The following LRP1B variants were observed in gnomAD, a reference collection of about 807,000 sequenced individuals.
LRP1B encodes the protein low-density lipoprotein receptor-related protein 1B.
Under a neutral mutation model 556.6 loss-of-function variants are expected in LRP1B, and 217 were observed. The observed-to-expected ratio is 0.39, with a 90% CI of 0.35 to 0.44. The LOEUF is 0.44. LRP1B is among the 20% of genes least tolerant of loss of function. LRP1B has a pLI of 1.00. For synonymous variants in LRP1B, 2,047 were observed against 1,865.8 expected, an observed-to-expected ratio of 1.10 and a Z score of -2.50; for missense variants, 5,053 against 5,620.8, an observed-to-expected ratio of 0.90 and a Z score of 3.23.
chr2:141,094,084 GAAT>G (rs1250616634), intron 7 of LRP1B, among the ~76,000 whole-genome samples: 1 of 152,034 alleles, frequency 6.6e-6, no homozygotes, highest in African/African-American at 2.4e-5. Flanking sequence ...CAGATAGTAA[GAAT>G]TGAACTTAAC....
At chr2:141,388,598 T>A (rs1037126132) in intron 3 of LRP1B, among the ~76,000 whole-genome samples, 19 of 152,098 alleles carry the variant, frequency 1.2e-4, no homozygotes, top group Admixed American at 8.5e-4. Context: ...AAGATCAGGA[T>A]AAAACAACAA....
At chr2:142,015,249 C>A (rs1703082153) in intron 1 of LRP1B, among the ~76,000 whole-genome samples, 1 of 152,044 alleles carries the variant, frequency 6.6e-6, no homozygotes, top group African/African-American at 2.4e-5. Flanking sequence ...CTTTGACAAA[C>A]CTGACAAAAA....
chr2:141,002,487 C>A (rs1697454602), intron 15 of LRP1B, among the ~76,000 whole-genome samples: 1 of 152,046 alleles, frequency 6.6e-6, no homozygotes, highest in Non-Finnish European at 1.5e-5. Flanking sequence ...TGGATACTCA[C>A]ATCCTTTATA....
chr2:141,490,382 T>TGTGTGC (rs1553520857), intron 2 of LRP1B, among the ~76,000 whole-genome samples: 20 of 150,072 alleles, frequency 1.3e-4, no homozygotes, highest in African/African-American at 1.7e-4. Context: ...TGTGTGTGTG[T>TGTGTGC]GTGTGTGTGT....
chr2:141,896,860 A>G (rs1699467892), intron 1 of LRP1B, among the ~76,000 whole-genome samples: 1 of 152,184 alleles, frequency 6.6e-6, no homozygotes, highest in Non-Finnish European at 1.5e-5. Flanking sequence ...TTTGCCCCAC[A>G]TTGGTATCTC....
At chr2:141,794,486 C>T (rs967715798) in intron 2 of LRP1B, among the ~76,000 whole-genome samples, 1 of 151,814 alleles carries the variant, frequency 6.6e-6, no homozygotes, top group African/African-American at 2.4e-5. Flanking sequence ...CTACCTGAAG[C>T]AACTCTTCAG....
chr2:141,886,964 C>CTT (rs66668893), intron 1 of LRP1B, among the ~76,000 whole-genome samples: 1 of 142,210 alleles, frequency 7.0e-6, no homozygotes, highest in Non-Finnish European at 1.5e-5. Flanking sequence ...TTTTCTTTTT[C>CTT]TTTTTTTTTT....
intron 6 of LRP1B, among the ~76,000 whole-genome samples, chr2:141,220,031 T>A (rs2105273273): frequency 6.6e-6 from 1 of 152,174 alleles, no homozygotes; most frequent in Non-Finnish European, 1.5e-5. Context: ...CTCCTCCAAA[T>A]GATCACAACA....
intron 2 of LRP1B, among the ~76,000 whole-genome samples, chr2:141,748,321 A>C (rs60908208): frequency 0.014 from 2,120 of 152,342 alleles, 48 homozygotes; most frequent in African/African-American, 0.048. Context: ...TAGATTAATG[A>C]CTATAAGCAT....
At chr2:141,405,672 C>G (rs1269567531) in intron 3 of LRP1B, among the ~76,000 whole-genome samples, 1 of 151,986 alleles carries the variant, frequency 6.6e-6, no homozygotes. Context: ...TATTATTTTG[C>G]TGGTACAATA....
At chr2:141,256,110 A>C (rs2105343294) in intron 3 of LRP1B, among the ~76,000 whole-genome samples, 1 of 152,152 alleles carries the variant, frequency 6.6e-6, no homozygotes, top group Admixed American at 6.6e-5. Flanking sequence ...ACATATGCTA[A>C]ATAAAAGTAC....
At chr2:141,621,439 G>A (rs1574151738) in intron 2 of LRP1B, among the ~76,000 whole-genome samples, 2 of 152,204 alleles carry the variant, frequency 1.3e-5, no homozygotes, top group Middle Eastern at 3.4e-3. Context: ...GATGAATTCA[G>A]GCAAACTTTT....
chr2:140,801,058 G>A (rs905892276), intron 32 of LRP1B, among the ~76,000 whole-genome samples: 2 of 152,070 alleles, frequency 1.3e-5, no homozygotes, highest in Non-Finnish European at 2.9e-5. Context: ...GTGTTTGTGT[G>A]TGTGGCCATT....
At chr2:140,908,333 C>CTCTATA (rs1247874336) in intron 21 of LRP1B, among the ~76,000 whole-genome samples, 2 of 140,204 alleles carry the variant, frequency 1.4e-5, no homozygotes, top group African/African-American at 5.2e-5. Flanking sequence ...CTCTCTCTCT[C>CTCTATA]TATATATATA....
intron 41 of LRP1B, among the ~76,000 whole-genome samples, chr2:140,690,764 TC>T (rs1686208161): frequency 6.6e-6 from 1 of 152,200 alleles, no homozygotes; most frequent in African/African-American, 2.4e-5. Context: ...ATGCTTCCCA[TC>T]TTGCTAACTC....
chr2:141,167,149 A>G (rs1421236869), intron 7 of LRP1B: 1 of 151,746 alleles, frequency 6.6e-6, no homozygotes, highest in African/African-American at 2.4e-5. Flanking sequence ...GCTCCCATAA[A>G]CCTCTCAATC....
intron 3 of LRP1B, among the ~76,000 whole-genome samples, chr2:141,302,477 T>C (rs1686432007): frequency 6.6e-6 from 1 of 152,138 alleles, no homozygotes; most frequent in East Asian, 1.9e-4. Flanking sequence ...CTTAACTATA[T>C]TGAAAATATA....
At chr2:142,037,714 T>A (rs1024760871) in intron 1 of LRP1B, among the ~76,000 whole-genome samples, 1 of 151,656 alleles carries the variant, frequency 6.6e-6, no homozygotes, top group African/African-American at 2.4e-5. Flanking sequence ...TCTCTTTAGG[T>A]CTCATCCTTA....
chr2:140,831,297 AACGGC>A (rs1691706132), intron 31 of LRP1B, among the ~76,000 whole-genome samples: 1 of 152,144 alleles, frequency 6.6e-6, no homozygotes. Flanking sequence ...TAGTAAACAA[AACGGC>A]ATGGTGCGAT....
Sources: allele counts gnomAD v4.1 joint callset (sites outside exome capture counted in the v4.1 genomes callset), GRCh38; gene constraint gnomAD v4.1.1; transcripts MANE v1.5; gene names NCBI Gene and HGNC (gene_info 2026-07-23, HGNC 2026-07-21).